The following LPP variants were observed in gnomAD, a reference collection of about 807,000 sequenced individuals.
The protein encoded by LPP is LIM domain containing preferred translocation partner in lipoma, also known as lipoma-preferred partner.
Under a neutral mutation model 60.4 loss-of-function variants are expected in LPP, and 38 were observed. The ratio of observed to expected loss-of-function variants is 0.63; its 90% CI spans 0.49 to 0.83. LPP has a LOEUF of 0.83. Ranked by LOEUF, LPP falls within the 40% of genes least tolerant of loss-of-function variation. The probability of loss-of-function intolerance (pLI) is 0.00; values close to 1 mark genes in which losing one functional copy is unlikely to be tolerated. For synonymous variants in LPP, 328 were observed against 290.8 expected, an observed-to-expected ratio of 1.13 and a Z score of -1.30; for missense variants, 902 against 783.6, an observed-to-expected ratio of 1.15 and a Z score of -1.80.
intron 7 of LPP, among the ~76,000 whole-genome samples, chr3:188,613,273 T>C (rs867611195): frequency 1.5e-5 from 2 of 136,074 alleles, no homozygotes; most frequent in Admixed American, 7.3e-5. Flanking sequence ...TATATCTATA[T>C]CTATATCTAT....
At chr3:188,665,387 T>C (rs1201332750) in intron 7 of LPP, among the ~76,000 whole-genome samples, 1 of 152,066 alleles carries the variant, frequency 6.6e-6, no homozygotes, top group Non-Finnish European at 1.5e-5. Context: ...TGTGTTTGTC[T>C]GAGTAGTTGT....
At chr3:188,378,476 A>G (rs1379181068) in intron 3 of LPP, among the ~76,000 whole-genome samples, 1 of 152,138 alleles carries the variant, frequency 6.6e-6, no homozygotes, top group Non-Finnish European at 1.5e-5. Context: ...TGTGCTAGCA[A>G]TGAGTGAGAC....
intron 9 of LPP, among the ~76,000 whole-genome samples, chr3:188,849,020 A>T (rs1015476460): frequency 2.0e-5 from 3 of 152,094 alleles, no homozygotes; most frequent in Non-Finnish European, 4.4e-5. Flanking sequence ...TAATGATTAA[A>T]CATTGTTTAA....
At chr3:188,588,869 G>A (rs538913814) in intron 6 of LPP, among the ~76,000 whole-genome samples, 23 of 152,128 alleles carry the variant, frequency 1.5e-4, no homozygotes, top group South Asian at 4.1e-4. Context: ...CCGAAGATAC[G>A]GCTCAGAGAG....
intron 4 of LPP, among the ~76,000 whole-genome samples, chr3:188,441,690 G>A (rs564953621): frequency 2.4e-5 from 3 of 126,922 alleles, no homozygotes; most frequent in East Asian, 4.9e-4. Context: ...GTGTGATCTC[G>A]GCTCACTGCA....
rs1010842817 is a variant in LPP, at chr3:188,834,197, A to G, written c.1411-32003A>G. Reference sequence around the variant, plus strand: ...ACTCTATTCTCCTGCCAGCATGATAATACATGCTGCTTTGATATCAAGTGG... The same window carrying G: ...ACTCTATTCTCCTGCCAGCATGATAGTACATGCTGCTTTGATATCAAGTGG... On this transcript the variant is annotated intron_variant, in intron 9 of 11. Coordinates refer to ENST00000617246, the MANE Select transcript of LPP (RefSeq NM_001375462.1). 2.6e-5 allele frequency among the ~76,000 whole-genome samples: 4 copies of G among 152,114 alleles called. No homozygotes were observed. In the South Asian group the frequency reaches 8.3e-4, roughly 32 times the overall value.
rs1224386889 is a variant in LPP at position 188,659,833 on chromosome 3, CACACACAT to C, written c.1114-48433_1114-48426del. On this transcript the variant is annotated intron_variant, in intron 7 of 11. Coordinates refer to ENST00000617246, the MANE Select transcript of LPP (RefSeq NM_001375462.1). Reference sequence around the variant, plus strand: ...ATGCACACACACACACACACACACACACACACATCATTTAAGAATAGGAAACTATTTTG... The same window carrying C: ...ATGCACACACACACACACACACACACCATTTAAGAATAGGAAACTATTTTG... Among the ~76,000 whole-genome samples the C allele has an allele frequency of 1.6e-4, 21 of 130,598 alleles. No individual in the cohort carries two copies. The East Asian group carries it at 2.1e-3, about 13-fold the overall frequency. The allele number at this position is 130,598 out of a possible 152,430, so 85.7% of individuals were successfully genotyped here.
chr3:188,430,897 T>C (rs1175972420), intron 4 of LPP, among the ~76,000 whole-genome samples: 1 of 152,170 alleles, frequency 6.6e-6, no homozygotes, highest in Non-Finnish European at 1.5e-5. Flanking sequence ...CTTTAATTCA[T>C]TGAATTATTA....
intron 9 of LPP, among the ~76,000 whole-genome samples, chr3:188,765,565 T>C (rs1302413349): frequency 4.6e-5 from 7 of 152,126 alleles, no homozygotes; most frequent in Admixed American, 3.9e-4. Context: ...AAATAGATCA[T>C]GGGGAGATTA....
intron 7 of LPP, among the ~76,000 whole-genome samples, chr3:188,679,674 A>G (rs1435413914): frequency 1.3e-5 from 2 of 152,176 alleles, no homozygotes; most frequent in African/African-American, 2.4e-5. Context: ...GTCACTTTGT[A>G]CTTTACATCT....
intron 8 of LPP, among the ~76,000 whole-genome samples, chr3:188,720,861 G>A (rs893344776): frequency 2.6e-5 from 4 of 152,130 alleles, no homozygotes; most frequent in Non-Finnish European, 2.9e-5. Flanking sequence ...AATTCAACAA[G>A]AGCAAACAGA....
chr3:188,297,129 T>A (rs1055070723), intron 2 of LPP, among the ~76,000 whole-genome samples: 1 of 152,182 alleles, frequency 6.6e-6, no homozygotes, highest in Non-Finnish European at 1.5e-5. Context: ...CAGGGAATGA[T>A]GTCATTCGAT....
At position 188,852,233 on chromosome 3, in the gene LPP, A is replaced by G. The variant is rs543208686; in HGVS notation, c.1411-13967A>G. Reference sequence around the variant, plus strand: ...GGGCAAGTTTGGCTTGGGGTCTTTCATGAGGTTTCTGGTGTGAGGTCTCTC... The same window carrying G: ...GGGCAAGTTTGGCTTGGGGTCTTTCGTGAGGTTTCTGGTGTGAGGTCTCTC... On this transcript the variant is annotated intron_variant, in intron 9 of 11. Coordinates refer to ENST00000617246, the MANE Select transcript of LPP (RefSeq NM_001375462.1). Among the ~76,000 whole-genome samples, 3 of 152,220 alleles carry G rather than the reference A, an allele frequency of 2.0e-5. No homozygotes were observed. The East Asian group carries it at 5.8e-4, about 29-fold the overall frequency.
At chr3:188,871,032 A>G (rs762104272) in intron 10 of LPP, among the ~76,000 whole-genome samples, 13 of 152,168 alleles carry the variant, frequency 8.5e-5, no homozygotes, top group Non-Finnish European at 1.5e-4. Context: ...AGATGGAGCA[A>G]AGTCCTATCT....
At chr3:188,234,104 G>A (rs1871517) in intron 2 of LPP, among the ~76,000 whole-genome samples, 3 of 152,010 alleles carry the variant, frequency 2.0e-5, no homozygotes, top group South Asian at 2.1e-4. Flanking sequence ...TTAGAAACCC[G>A]TTATCTGTAC....
chr3:188,870,655 G>T lies in LPP; in HGVS notation c.1590-1988G>T, dbSNP rs1767866525. 2.6e-5 allele frequency among the ~76,000 whole-genome samples: 4 copies of T among 152,224 alleles called. No individual in the cohort carries two copies. The South Asian group carries it at 8.3e-4, about 31-fold the overall frequency. On this transcript the variant is annotated intron_variant, in intron 10 of 11. Coordinates refer to ENST00000617246, the MANE Select transcript of LPP (RefSeq NM_001375462.1). Reference sequence around the variant, plus strand: ...TAAATGGTAGCTTTAATCATCGAAAGTTGTTTTCATCAAATTTACTTTTAC... The same window carrying T: ...TAAATGGTAGCTTTAATCATCGAAATTTGTTTTCATCAAATTTACTTTTAC...
intron 8 of LPP, among the ~76,000 whole-genome samples, chr3:188,728,867 T>G (rs1719377352): frequency 7.1e-6 from 1 of 140,606 alleles, no homozygotes; most frequent in Admixed American, 7.3e-5. Context: ...TTACTATAAG[T>G]GCTTTCTGAA....
intron 2 of LPP, among the ~76,000 whole-genome samples, chr3:188,250,995 TC>T (rs1160068990): frequency 0.034 from 648 of 19,092 alleles, 14 homozygotes; most frequent in Middle Eastern, 0.05. Context: ...TCCCCTGCCC[TC>T]CCCCCCTGCC....
At chr3:188,611,575 A>G (rs1227593526) in intron 7 of LPP, among the ~76,000 whole-genome samples, 1 of 152,232 alleles carries the variant, frequency 6.6e-6, no homozygotes, top group Non-Finnish European at 1.5e-5. Context: ...AACTGCTGTC[A>G]AGGTTTAAGT....
Sources: gnomAD v4.1 joint callset for allele counts (sites outside exome capture counted in the v4.1 genomes callset) on GRCh38, gnomAD v4.1.1 for gene constraint, MANE v1.5 for transcripts, NCBI Gene and HGNC (gene_info 2026-07-23, HGNC 2026-07-21) for gene names.